PDE7A: variants seen among roughly 807,000 people sequenced by gnomAD.
The protein encoded by PDE7A is phosphodiesterase 7A.
PDE7A carries 39 observed loss-of-function variants against 64.3 expected under a neutral mutation model. The observed-to-expected ratio is 0.61, with a 90% CI of 0.47 to 0.79. PDE7A has a LOEUF of 0.79. PDE7A is among the 30% of genes least tolerant of loss of function. PDE7A has a pLI of 0.00. For missense variants in PDE7A, 470 were observed against 582.8 expected (o/e 0.81, Z 1.99); for synonymous variants, 203 against 206.8 (o/e 0.98, Z 0.16).
At chr8:65,802,822 C>T (rs984796139) in intron 1 of PDE7A, among the ~76,000 whole-genome samples, 2 of 152,198 alleles carry the variant, frequency 1.3e-5, no homozygotes, top group Non-Finnish European at 2.9e-5. Flanking sequence ...GAAGTGCAGC[C>T]TGGTGGGAGG....
Position 65,743,839 on chromosome 8 carries a change from C to CA in PDE7A, c.499+1567_499+1568insT, listed in dbSNP as rs1807547740. On this transcript the variant is annotated intron_variant, in intron 5 of 12. Coordinates refer to ENST00000401827, the MANE Select transcript of PDE7A (RefSeq NM_001242318.3). Reference sequence around the variant, plus strand: ...CTGGGGCAAAACATTAGCTGAATTGCTTTTTTTTTTTTTGAGACAGTCTCG... The same window carrying CA: ...CTGGGGCAAAACATTAGCTGAATTGCATTTTTTTTTTTTTGAGACAGTCTCG... 2.1e-5 allele frequency among the ~76,000 whole-genome samples: 3 copies of CA among 145,302 alleles called. No individual in the cohort carries two copies. The South Asian group carries it at 6.5e-4, about 32-fold the overall frequency.
chr8:65,736,037 TTATAC>T (rs1167527707), intron 6 of PDE7A, among the ~76,000 whole-genome samples: 1 of 152,150 alleles, frequency 6.6e-6, no homozygotes, highest in East Asian at 1.9e-4. Context: ...CAAACCCTAT[TTATAC>T]TATGTTTTTC....
chr8:65,764,960 C>T (rs544098207), intron 3 of PDE7A, among the ~76,000 whole-genome samples: 3 of 152,290 alleles, frequency 2.0e-5, no homozygotes, highest in African/African-American at 7.2e-5. Flanking sequence ...GAACTACAAA[C>T]AGGCCCCTGT....
In PDE7A at chr8:65,841,860, A is replaced by G. The variant is rs1281102533; in HGVS notation, c.-352T>C. The G allele has an allele frequency of 6.3e-6, 1 of 159,802 alleles. No individual in the cohort carries two copies. Among genetic ancestry groups the G allele is most frequent in the Non-Finnish European group, 1.4e-5 (1 of 73,306 alleles). 9.9% of individuals were successfully genotyped at this position (159,802 alleles called of 1,614,324 possible). A position where few individuals can be genotyped will look rare whatever the true frequency, so the allele number is the denominator to read the frequency against. ...AGAGGAGCAGGTACCCGGACTGCAG[A>G]GTTCGAGCGCAGCACGAACGGAGCA... On this transcript the variant is annotated 5_prime_UTR_variant, in exon 1 of 13. Transcript: ENST00000401827.
chr8:65,807,295 T>C (rs1022554813), intron 1 of PDE7A, among the ~76,000 whole-genome samples: 4 of 152,246 alleles, frequency 2.6e-5, no homozygotes, highest in Non-Finnish European at 4.4e-5. Context: ...TTTCATGCTA[T>C]TAAAAATTGA....
At chr8:65,730,373 T>C (rs1806830345) in intron 7 of PDE7A, among the ~76,000 whole-genome samples, 1 of 150,598 alleles carries the variant, frequency 6.6e-6, no homozygotes, top group African/African-American at 2.4e-5. Flanking sequence ...AGAGACAGGG[T>C]TTCTCCATGT....
At chr8:65,809,169 A>T (rs1262494055) in intron 1 of PDE7A, among the ~76,000 whole-genome samples, 1 of 152,226 alleles carries the variant, frequency 6.6e-6, no homozygotes, top group Non-Finnish European at 1.5e-5. Context: ...AATAACACCC[A>T]TTCCTCTTCA....
At chr8:65,751,716 T>C (rs1230243646) in intron 3 of PDE7A, among the ~76,000 whole-genome samples, 1 of 152,198 alleles carries the variant, frequency 6.6e-6, no homozygotes, top group African/African-American at 2.4e-5. Flanking sequence ...GGTCTCGAAC[T>C]CCCGACCTCA....
At chr8:65,725,056 T>C (rs1031314316) in intron 9 of PDE7A, 135 bp from the exon 10 acceptor site, 21 of 482,926 alleles carry the variant, frequency 4.3e-5, no homozygotes, top group Non-Finnish European at 7.3e-5. Context: ...TTAAAATTTA[T>C]CACACAAAAA....
chr8:65,766,752 A>G (rs1179644267), intron 3 of PDE7A, among the ~76,000 whole-genome samples: 1 of 152,230 alleles, frequency 6.6e-6, no homozygotes, highest in Non-Finnish European at 1.5e-5. Context: ...TTTTCCCAGC[A>G]TCAGTCAGGA....
intron 3 of PDE7A, among the ~76,000 whole-genome samples, chr8:65,768,505 C>A (rs116173713): frequency 3.0e-4 from 46 of 152,256 alleles, no homozygotes; most frequent in African/African-American, 1.0e-3. Flanking sequence ...CTTTCACCTT[C>A]GGCCGTAATT....
intron 1 of PDE7A, among the ~76,000 whole-genome samples, chr8:65,839,774 C>G (rs187532456): frequency 2.6e-5 from 4 of 152,130 alleles, no homozygotes; most frequent in Admixed American, 2.6e-4. Flanking sequence ...TAAAATTGGT[C>G]TCTGTGGATT....
intron 7 of PDE7A, among the ~76,000 whole-genome samples, chr8:65,731,989 G>A (rs906753425): frequency 5.9e-4 from 84 of 141,774 alleles, no homozygotes; most frequent in Middle Eastern, 3.5e-3. Context: ...TATTATTATT[G>A]TTGTTGTTGT....
At chr8:65,814,523 A>G in intron 1 of PDE7A, among the ~76,000 whole-genome samples, 1 of 150,652 alleles carries the variant, frequency 6.6e-6, no homozygotes, top group East Asian at 1.9e-4. Context: ...AAAAAAAAAA[A>G]AAAAAAAAAA....
chr8:65,818,219 C>CT (rs1810461633), intron 1 of PDE7A, among the ~76,000 whole-genome samples: 1 of 152,020 alleles, frequency 6.6e-6, no homozygotes, highest in Non-Finnish European at 1.5e-5. Flanking sequence ...TTCTACTGAC[C>CT]TTTTTTTCCT....
At chr8:65,726,821 C>A (rs886665408) in intron 9 of PDE7A, 54 bp downstream of exon 9, 5 of 909,110 alleles carry the variant, frequency 5.5e-6, no homozygotes, top group Non-Finnish European at 7.1e-6. Flanking sequence ...AATTACTTTG[C>A]CAACTTAACT....
intron 1 of PDE7A, among the ~76,000 whole-genome samples, chr8:65,793,484 T>TAAAAAAAAAAA (rs11339152): frequency 7.3e-6 from 1 of 137,826 alleles, no homozygotes; most frequent in African/African-American, 2.6e-5. Flanking sequence ...TAAAGTTTCC[T>TAAAAAAAAAAA]AAAAAAAAAA....
chr8:65,818,598 G>A (rs984539337), intron 1 of PDE7A, among the ~76,000 whole-genome samples: 1 of 152,296 alleles, frequency 6.6e-6, no homozygotes, highest in African/African-American at 2.4e-5. Context: ...GGGCAGGGAA[G>A]TGCATTCAAA....
chr8:65,723,697 A>T, intron 11 of PDE7A, 76 bp from the exon 12 acceptor site: 1 of 1,016,668 alleles, frequency 9.8e-7, no homozygotes, highest in South Asian at 2.3e-5. Flanking sequence ...GCTTGAACAT[A>T]CCTGTGCATT....
Sources: gnomAD v4.1 joint callset for allele counts (sites outside exome capture counted in the v4.1 genomes callset) on GRCh38, gnomAD v4.1.1 for gene constraint, MANE v1.5 for transcripts, NCBI Gene and HGNC (gene_info 2026-07-23, HGNC 2026-07-21) for gene names.